The following LMF1 variants were observed in gnomAD, a reference collection of about 807,000 sequenced individuals.
LMF1 encodes lipase maturation factor 1, also known as transmembrane protein 112.
In LMF1, 68 loss-of-function variants were observed where a neutral mutation model predicts 60.6. That is an observed-to-expected ratio of 1.12 (90% CI 0.92 to 1.37). LMF1 has a LOEUF of 1.37. Among genes scored for constraint, LMF1 ranks in the 40% most tolerant of loss-of-function variants. The pLI is 0.00. For synonymous variants in LMF1, 418 were observed against 324.7 expected (o/e 1.29, Z -3.09); for missense variants, 948 against 767.2 (o/e 1.24, Z -2.78).
chr16:979,718 G>C (rs765171554), intron 1 of LMF1: 1 of 453,980 alleles, frequency 2.2e-6, no homozygotes, highest in African/African-American at 2.0e-5. Context: ...CTCCACGGAG[G>C]TCCTCACCCG....
intron 10 of LMF1, among the ~76,000 whole-genome samples, chr16:856,690 C>T (rs574420887): frequency 5.3e-5 from 8 of 152,364 alleles, no homozygotes; most frequent in Admixed American, 1.3e-4. Flanking sequence ...TCTGTGCCAA[C>T]TGGCAGGTTG....
chr16:908,627 C>T (rs541762470), intron 4 of LMF1, among the ~76,000 whole-genome samples: 18 of 152,354 alleles, frequency 1.2e-4, no homozygotes, highest in African/African-American at 4.3e-4. Context: ...GTGCCCTCCC[C>T]AGACACCTGG....
chr16:967,765 C>T (rs1002425192), intron 1 of LMF1, among the ~76,000 whole-genome samples: 1 of 152,154 alleles, frequency 6.6e-6, no homozygotes, highest in Non-Finnish European at 1.5e-5. Flanking sequence ...TGCACAGTGG[C>T]GTGAATGAAG....
intron 2 of LMF1, among the ~76,000 whole-genome samples, chr16:943,300 G>A (rs1001109997): frequency 2.0e-5 from 3 of 151,634 alleles, no homozygotes; most frequent in Non-Finnish European, 4.4e-5. Flanking sequence ...GAACCCAGGA[G>A]GTGGAGCTTG....
intron 1 of LMF1, among the ~76,000 whole-genome samples, chr16:969,937 G>A (rs1188384601): frequency 2.6e-5 from 4 of 152,328 alleles, no homozygotes; most frequent in African/African-American, 9.6e-5. Flanking sequence ...CCCTGGCCAG[G>A]GGATCCAGAG....
chr16:864,832 A>G (rs890040350), intron 10 of LMF1, among the ~76,000 whole-genome samples: 1 of 152,066 alleles, frequency 6.6e-6, no homozygotes, highest in Admixed American at 6.6e-5. Context: ...CATGATGGCC[A>G]GGCTGATTTT....
At chr16:860,007 C>T (rs140950285) in intron 10 of LMF1, among the ~76,000 whole-genome samples, 3 of 151,602 alleles carry the variant, frequency 2.0e-5, no homozygotes, top group Non-Finnish European at 4.4e-5. Flanking sequence ...TTTTGCTTCT[C>T]TAATGACAGG....
intron 10 of LMF1, chr16:855,090 T>C (rs2069150442): frequency 6.0e-6 from 2 of 332,832 alleles, no homozygotes; most frequent in South Asian, 5.8e-5. Context: ...CCTGGGAAGG[T>C]GGGGAGAGGA....
At chr16:889,885 TGA>T (rs1480699814) in intron 5 of LMF1, among the ~76,000 whole-genome samples, 7 of 151,986 alleles carry the variant, frequency 4.6e-5, no homozygotes, top group African/African-American at 1.4e-4. Flanking sequence ...AAGTCTGAGG[TGA>T]GAGGGGGGAT....
chr16:931,252 AAC>A (rs2071774693), intron 3 of LMF1, among the ~76,000 whole-genome samples: 1 of 152,246 alleles, frequency 6.6e-6, no homozygotes, highest in East Asian at 1.9e-4. Flanking sequence ...TAATTTTAGA[AAC>A]ACATGTGCCC....
intron 4 of LMF1, chr16:905,278 C>G (rs570798359): frequency 5.3e-5 from 8 of 150,840 alleles, no homozygotes; most frequent in Admixed American, 2.1e-4. Context: ...CTGCACTGCC[C>G]GTGGGGACGC....
chr16:959,562 A>T (rs60236218), intron 1 of LMF1, among the ~76,000 whole-genome samples: 1 of 152,150 alleles, frequency 6.6e-6, no homozygotes, highest in African/African-American at 2.4e-5. Flanking sequence ...TGGGGGATGC[A>T]GATAGAATAC....
intron 1 of LMF1, among the ~76,000 whole-genome samples, chr16:967,080 G>A (rs1006877547): frequency 6.6e-6 from 1 of 152,194 alleles, no homozygotes; most frequent in Non-Finnish European, 1.5e-5. Context: ...CGTCTTGTCA[G>A]GGAATCCAGC....
At chr16:895,725 G>A (rs1314433508) in intron 4 of LMF1, among the ~76,000 whole-genome samples, 1 of 152,210 alleles carries the variant, frequency 6.6e-6, no homozygotes, top group African/African-American at 2.4e-5. Flanking sequence ...AAACGGCAGG[G>A]GAGTGGGACC....
At chr16:896,553 C>G (rs2070666587) in intron 4 of LMF1, among the ~76,000 whole-genome samples, 1 of 152,216 alleles carries the variant, frequency 6.6e-6, no homozygotes, top group African/African-American at 2.4e-5. Context: ...GTTCTGCAAA[C>G]AGGCATGAAA....
intron 3 of LMF1, among the ~76,000 whole-genome samples, chr16:928,715 C>T (rs541832487): frequency 1.0e-3 from 156 of 150,008 alleles, no homozygotes; most frequent in Middle Eastern, 7.0e-3. Flanking sequence ...CACATCCCCA[C>T]GGGCCCACCC....
At chr16:966,958 G>A (rs1181239203) in intron 1 of LMF1, among the ~76,000 whole-genome samples, 3 of 152,246 alleles carry the variant, frequency 2.0e-5, no homozygotes, top group African/African-American at 4.8e-5. Flanking sequence ...CATATACTAT[G>A]TGACTCTCAT....
upstream of LMF1, among the ~76,000 whole-genome samples, chr16:975,528 T>C (rs2073119259): frequency 6.6e-6 from 1 of 152,210 alleles, no homozygotes; most frequent in Non-Finnish European, 1.5e-5. Context: ...CAGGCGGTGC[T>C]GTCCATGCCC....
chr16:954,546 T>C lies in LMF1; in HGVS notation c.314A>G (p.Glu105Gly). Reference sequence around the variant, plus strand: ...GATGGTGGGCATGTAGCTGAAGACTTCCCAGCTCGTCCTGTCCTGGAAGTA... The same window carrying C: ...GATGGTGGGCATGTAGCTGAAGACTCCCCAGCTCGTCCTGTCCTGGAAGTA... ...QQYFQDRTSW[E>G]VFSYMPTILW... Residue 105 changes from glutamate to glycine, a missense_variant, in exon 2 of 11, where the codon GAA (glutamate) becomes GGA (glycine). By Grantham distance (98) the Glu-to-Gly change is moderately conservative. Transcript: ENST00000262301. 6.2e-7 allele frequency: 1 copy of C among 1,613,242 alleles called. No homozygotes were observed. The highest frequency in any genetic ancestry group is 8.5e-7 in the Non-Finnish European group (1 of 1,179,818).
Sources: allele counts gnomAD v4.1 joint callset (sites outside exome capture counted in the v4.1 genomes callset), GRCh38; gene constraint gnomAD v4.1.1; transcripts MANE v1.5; gene names NCBI Gene and HGNC (gene_info 2026-07-23, HGNC 2026-07-21).